TSPAN5: variants seen among roughly 807,000 people sequenced by gnomAD.
The protein encoded by TSPAN5 is tetraspanin-5.
In TSPAN5, 10 loss-of-function variants were observed where a neutral mutation model predicts 37.1. The observed-to-expected ratio is 0.27, with a 90% CI of 0.17 to 0.46. The LOEUF (loss-of-function observed/expected upper bound fraction) is 0.46, where lower values mean the gene tolerates loss of function less well. Ranked by LOEUF, TSPAN5 falls within the 20% of genes least tolerant of loss-of-function variation. TSPAN5 has a pLI of 1.00. For missense variants in TSPAN5, 195 were observed against 326.6 expected (o/e 0.60, Z 3.11); for synonymous variants, 110 against 118.9 (o/e 0.93, Z 0.48).
chr4:98,614,733 G>A (rs1419072921), intron 1 of TSPAN5, among the ~76,000 whole-genome samples: 1 of 152,142 alleles, frequency 6.6e-6, no homozygotes, highest in South Asian at 2.1e-4. Context: ...TGCACTACAG[G>A]CAGAATGTCT....
At chr4:98,517,626 T>C (rs1481529743) in intron 1 of TSPAN5, among the ~76,000 whole-genome samples, 2 of 151,998 alleles carry the variant, frequency 1.3e-5, no homozygotes, top group African/African-American at 4.8e-5. Context: ...TGGCAAGGAC[T>C]AGTCATCTGA....
At chr4:98,575,293 T>C (rs975676036) in intron 1 of TSPAN5, among the ~76,000 whole-genome samples, 3 of 152,140 alleles carry the variant, frequency 2.0e-5, no homozygotes, top group African/African-American at 7.2e-5. Flanking sequence ...CTCAGATTTA[T>C]ACATAGGCTT....
intron 1 of TSPAN5, among the ~76,000 whole-genome samples, chr4:98,556,337 C>G (rs1201779654): frequency 2.6e-5 from 4 of 152,164 alleles, no homozygotes; most frequent in Non-Finnish European, 5.9e-5. Context: ...TTCAAACTTG[C>G]TCTGATGATA....
chr4:98,514,553 T>G (rs1753687910), intron 1 of TSPAN5, among the ~76,000 whole-genome samples: 1 of 152,160 alleles, frequency 6.6e-6, no homozygotes, highest in South Asian at 2.1e-4. Flanking sequence ...GGAGTCCTCA[T>G]GGTAAGATGG....
intron 1 of TSPAN5, among the ~76,000 whole-genome samples, chr4:98,656,287 T>C (rs1026856626): frequency 1.3e-5 from 2 of 152,180 alleles, no homozygotes; most frequent in African/African-American, 4.8e-5. Context: ...TTTATTTCCT[T>C]ACCACCCCCT....
At chr4:98,530,458 G>T (rs978033994) in intron 1 of TSPAN5, among the ~76,000 whole-genome samples, 17 of 152,140 alleles carry the variant, frequency 1.1e-4, no homozygotes, top group African/African-American at 4.1e-4. Flanking sequence ...TTAAGGCCAG[G>T]GCTCCCTGAA....
intron 1 of TSPAN5, among the ~76,000 whole-genome samples, chr4:98,636,502 T>G (rs1025342245): frequency 2.0e-5 from 3 of 152,196 alleles, no homozygotes; most frequent in African/African-American, 7.2e-5. Context: ...TAGAGAAATC[T>G]CCTGCAGTAG....
chr4:98,615,113 T>C (rs1435872341), intron 1 of TSPAN5, among the ~76,000 whole-genome samples: 1 of 152,050 alleles, frequency 6.6e-6, no homozygotes, highest in Middle Eastern at 3.2e-3. Context: ...TGACAGCCCA[T>C]ACCTGTGTGG....
chr4:98,486,486 C>A, intron 3 of TSPAN5: 1 of 440,376 alleles, frequency 2.3e-6, no homozygotes, highest in Middle Eastern at 6.2e-4. Context: ...GAATGGAATC[C>A]AAGTCTGTGA....
chr4:98,598,212 G>C (rs1034264471), intron 1 of TSPAN5, among the ~76,000 whole-genome samples: 1 of 141,310 alleles, frequency 7.1e-6, no homozygotes, highest in Non-Finnish European at 1.5e-5. Context: ...AGGTGCGTCC[G>C]TCACCCCTTT....
chr4:98,579,917 A>T (rs1755331763), intron 1 of TSPAN5, among the ~76,000 whole-genome samples: 1 of 152,242 alleles, frequency 6.6e-6, no homozygotes, highest in Admixed American at 6.5e-5. Flanking sequence ...TAGATTTTTT[A>T]AAACCCTATA....
At chr4:98,628,460 T>A (rs1756658629) in intron 1 of TSPAN5, among the ~76,000 whole-genome samples, 2 of 152,202 alleles carry the variant, frequency 1.3e-5, no homozygotes, top group Admixed American at 6.5e-5. Flanking sequence ...CCACACTGCC[T>A]GGTATTGGTT....
intron 1 of TSPAN5, among the ~76,000 whole-genome samples, chr4:98,570,375 C>G (rs574220417): frequency 1.3e-5 from 2 of 152,180 alleles, no homozygotes; most frequent in Non-Finnish European, 2.9e-5. Flanking sequence ...AAAAACCAAA[C>G]CATACGTAAG....
intron 1 of TSPAN5, among the ~76,000 whole-genome samples, chr4:98,546,529 C>T (rs775880317): frequency 2.6e-5 from 4 of 152,094 alleles, no homozygotes; most frequent in Non-Finnish European, 5.9e-5. Context: ...CCTTGTGAAA[C>T]CTTTTTGCTT....
intron 1 of TSPAN5, among the ~76,000 whole-genome samples, chr4:98,600,039 C>T (rs557442395): frequency 7.9e-5 from 12 of 152,070 alleles, no homozygotes; most frequent in East Asian, 7.7e-4. Flanking sequence ...TGCAATAAAG[C>T]GAGTCACACA....
At chr4:98,608,092 A>G (rs1756083354) in intron 1 of TSPAN5, among the ~76,000 whole-genome samples, 1 of 152,134 alleles carries the variant, frequency 6.6e-6, no homozygotes, top group Non-Finnish European at 1.5e-5. Context: ...TAATGTTAGA[A>G]CCCTATTCGT....
At chr4:98,621,796 C>A (rs140323879) in intron 1 of TSPAN5, among the ~76,000 whole-genome samples, 2 of 150,988 alleles carry the variant, frequency 1.3e-5, no homozygotes, top group Admixed American at 6.6e-5. Flanking sequence ...CCACCCCCCC[C>A]GCAGCCCCTG....
chr4:98,543,252 TGCATGAGCCTGTGTTCTC>T (rs1229990402), intron 1 of TSPAN5, among the ~76,000 whole-genome samples: 1 of 152,192 alleles, frequency 6.6e-6, no homozygotes, highest in Non-Finnish European at 1.5e-5. Flanking sequence ...GTTTCAACTC[TGCATGAGCCTGTGTTCTC>T]GCATCGTGGA....
At chr4:98,552,527 A>G (rs1326416520) in intron 1 of TSPAN5, among the ~76,000 whole-genome samples, 2 of 152,106 alleles carry the variant, frequency 1.3e-5, no homozygotes, top group Non-Finnish European at 2.9e-5. Flanking sequence ...TTGGGCAATA[A>G]GCTGGTGTTC....
Sources: gnomAD v4.1 joint callset for allele counts (sites outside exome capture counted in the v4.1 genomes callset) on GRCh38, gnomAD v4.1.1 for gene constraint, MANE v1.5 for transcripts, NCBI Gene and HGNC (gene_info 2026-07-23, HGNC 2026-07-21) for gene names.